Variants in PON1 observed in about 807,000 individuals in gnomAD.
PON1 encodes the protein serum paraoxonase/arylesterase 1.
PON1 carries 37 observed loss-of-function variants against 39.2 expected under a neutral mutation model. The observed-to-expected ratio is 0.94, with a 90% CI of 0.73 to 1.24. PON1 has a LOEUF of 1.24. Ranked by LOEUF, PON1 falls within the 50% of genes most tolerant of loss-of-function variation. The pLI, the probability that PON1 is intolerant of heterozygous loss-of-function variation, is 0.00. For missense variants in PON1, 397 were observed against 413.5 expected, an observed-to-expected ratio of 0.96 and a Z score of 0.35; for synonymous variants, 148 against 152.2, an observed-to-expected ratio of 0.97 and a Z score of 0.21.
chr7:95,317,357 A>T (rs1239117598), intron 2 of PON1, among the ~76,000 whole-genome samples: 1 of 152,112 alleles, frequency 6.6e-6, no homozygotes, highest in East Asian at 1.9e-4. Flanking sequence ...AATTTTTAAC[A>T]TTTCAATTTA....
chr7:95,299,811 CAT>C (rs3917573), intron 8 of PON1, among the ~76,000 whole-genome samples: 1 of 151,798 alleles, frequency 6.6e-6, no homozygotes. Flanking sequence ...ACCCCCTTTA[CAT>C]ATATATATAT....
intron 4 of PON1, among the ~76,000 whole-genome samples, chr7:95,313,341 G>T (rs967633696): frequency 6.6e-6 from 1 of 152,204 alleles, no homozygotes. Context: ...TTTGTTAGCA[G>T]ATGAGCTATA....
chr7:95,321,789 C>T lies in PON1; in HGVS notation c.74+2613G>A, dbSNP rs564008323. On this transcript the variant is annotated intron_variant, in intron 1 of 8. Coordinates refer to ENST00000222381, the MANE Select transcript of PON1 (RefSeq NM_000446.7). Reference sequence around the variant, plus strand: ...ATTACCCACTGGAAAGACCCCTACTCATGATGCTTTGTAGCTTCTCCAGTC... The same window carrying T: ...ATTACCCACTGGAAAGACCCCTACTTATGATGCTTTGTAGCTTCTCCAGTC... Among the ~76,000 whole-genome samples, 84 of 152,320 alleles carry T rather than the reference C, an allele frequency of 5.5e-4. 1 individual carries two copies. Among genetic ancestry groups the T allele is most frequent in the African/African-American group, 1.9e-3 (77 of 41,566 alleles).
At position 95,297,950 on chromosome 7, in the gene PON1, A is replaced by C. The variant is rs1044360596; in HGVS notation, c.*994T>G. The C allele has an allele frequency of 4.6e-5, 7 of 152,196 alleles. No homozygotes were observed. The highest frequency in any genetic ancestry group is 1.0e-4 in the Non-Finnish European group (7 of 68,040). 9.4% of individuals were successfully genotyped at this position (152,196 alleles called of 1,614,324 possible). A position where few individuals can be genotyped will look rare whatever the true frequency, so the allele number is the denominator to read the frequency against. ...ATCAGTTTCTATAACAAAATGATAAAGTCATGTTTTCTTCCTAGTCATGTC... is the reference window on the plus strand; with the variant it reads ...ATCAGTTTCTATAACAAAATGATAACGTCATGTTTTCTTCCTAGTCATGTC... On this transcript the variant is annotated 3_prime_UTR_variant, in exon 9 of 9. Transcript: ENST00000222381.
At chr7:95,311,428 A>G in intron 5 of PON1, 23 bp downstream of exon 5, 1 of 1,613,634 alleles carries the variant, frequency 6.2e-7, no homozygotes, top group Non-Finnish European at 8.5e-7. Flanking sequence ...AAAGGAAAAT[A>G]GAAATGTGAT....
rs370202315 is a variant in PON1 at position 95,300,207 on chromosome 7, G to A, written c.910-1105C>T. Among the ~76,000 whole-genome samples the A allele has an allele frequency of 7.7e-4, 117 of 152,224 alleles. 1 individual carries two copies. Among genetic ancestry groups the A allele is most frequent in the African/African-American group, 2.5e-3 (104 of 41,456 alleles). On this transcript the variant is annotated intron_variant, in intron 8 of 8. Coordinates refer to ENST00000222381, the MANE Select transcript of PON1 (RefSeq NM_000446.7). ...TCTGACTGTAAAAAATAGCAATAGC[G>A]TGTGATTCAACTTAGTATGAAAAGC...
At chr7:95,305,613 G>A (rs1034378629) in intron 7 of PON1, among the ~76,000 whole-genome samples, 1 of 152,176 alleles carries the variant, frequency 6.6e-6, no homozygotes, top group Non-Finnish European at 1.5e-5. Context: ...AAAATACGTA[G>A]CGGGAGGGAG....
At chr7:95,315,797 A>G (rs1286996413) in intron 3 of PON1, among the ~76,000 whole-genome samples, 1 of 152,208 alleles carries the variant, frequency 6.6e-6, no homozygotes, top group African/African-American at 2.4e-5. Context: ...CAAAAAGGCA[A>G]TTAATAATAG....
intron 1 of PON1, among the ~76,000 whole-genome samples, chr7:95,321,233 A>G (rs935840413): frequency 6.6e-6 from 1 of 152,158 alleles, no homozygotes; most frequent in Admixed American, 6.5e-5. Flanking sequence ...TCATGACCCA[A>G]ACACCTCCCA....
chr7:95,311,378 A>G, intron 5 of PON1, 73 bp downstream of exon 5: 2 of 1,583,392 alleles, frequency 1.3e-6, no homozygotes, highest in Non-Finnish European at 1.7e-6. Context: ...ACTCTGGCCA[A>G]AAGGAAAAAC....
rs961287183 is a variant in PON1, at chr7:95,308,078, T to C, written c.631A>G (p.Ser211Gly). 4.3e-6 allele frequency: 7 copies of C among 1,614,020 alleles called. No individual in the cohort carries two copies. The Admixed American group carries it at 6.7e-5, about 15-fold the overall frequency. Reference sequence around the variant, plus strand: ...CCTTCTGCCACCACTCGAACTTCACTTGGACTATAGTAGACAACATACGAC... The same window carrying C: ...CCTTCTGCCACCACTCGAACTTCACCTGGACTATAGTAGACAACATACGAC... ...AWSYVVYYSP[S>G]EVRVVAEGFD... Residue 211 changes from serine (S) to glycine (G), a missense_variant, in exon 6 of 9, where the codon AGT (serine) becomes GGT (glycine). Ser to Gly is a moderately conservative substitution (Grantham distance 56). Coordinates refer to ENST00000222381, the MANE Select transcript of PON1 (RefSeq NM_000446.7).
intron 7 of PON1, 101 bp downstream of exon 7, chr7:95,306,184 C>T (rs1807536993): frequency 2.0e-6 from 2 of 1,024,254 alleles, no homozygotes; most frequent in African/African-American, 3.1e-5. Flanking sequence ...TTGGTTCTCA[C>T]CCACCCCAAT....
At chr7:95,318,208 C>A (rs1807814029) in intron 2 of PON1, 115 bp downstream of exon 2, 2 of 829,202 alleles carry the variant, frequency 2.4e-6, no homozygotes, top group Admixed American at 3.9e-5. Flanking sequence ...CTACCACTGA[C>A]TCTCCTGATT....
At chr7:95,324,320 G>C in intron 1 of PON1, 82 bp downstream of exon 1, 1 of 1,324,330 alleles carries the variant, frequency 7.6e-7, no homozygotes, top group Non-Finnish European at 1.1e-6. Context: ...TTAACAGCCT[G>C]GACCCAACTT....
At chr7:95,322,637 G>A (rs1402014846) in intron 1 of PON1, among the ~76,000 whole-genome samples, 1 of 152,100 alleles carries the variant, frequency 6.6e-6, no homozygotes, top group Admixed American at 6.5e-5. Flanking sequence ...TAGCAATGTA[G>A]GGACAAGGAA....
At position 95,302,339 on chromosome 7, in the gene PON1, A is replaced by G; in HGVS notation, c.781-6T>C. ...AGGGTATTAAAGTCAAGGGACTTAA[A>G]AGATTAAAAACAAGAAAAGAACAAG... On this transcript the variant is annotated splice_region_variant and splice_polypyrimidine_tract_variant and intron_variant, in intron 7 of 8. Coordinates refer to ENST00000222381, the MANE Select transcript of PON1 (RefSeq NM_000446.7). The G allele has an allele frequency of 6.2e-7, 1 of 1,603,522 alleles. No individual in the cohort carries two copies. Among genetic ancestry groups the G allele is most frequent in the Non-Finnish European group, 8.5e-7 (1 of 1,171,342 alleles).
intron 7 of PON1, 111 bp from the exon 8 acceptor site, chr7:95,302,444 G>T: frequency 2.2e-6 from 2 of 892,628 alleles, no homozygotes; most frequent in Non-Finnish European, 3.5e-6. Context: ...CCACGCTGCT[G>T]CTTCCAAGGA....
intron 1 of PON1, among the ~76,000 whole-genome samples, chr7:95,322,630 C>A (rs540599436): frequency 7.0e-4 from 106 of 152,212 alleles, no homozygotes; most frequent in Middle Eastern, 3.4e-3. Context: ...TTGCAATTAG[C>A]AATGTAGGGA....
Position 95,298,825 on chromosome 7 carries a change from A to G in PON1, c.*119T>C. The G allele has an allele frequency of 7.9e-7, 1 of 1,261,552 alleles. No individual in the cohort carries two copies. Among genetic ancestry groups the G allele is most frequent in the East Asian group, 2.3e-5 (1 of 42,724 alleles). The allele number at this position is 1,261,552 out of a possible 1,614,324, so 78.1% of individuals were successfully genotyped here. A position where few individuals can be genotyped will look rare whatever the true frequency, so the allele number is the denominator to read the frequency against. ...CAGTTAAACAGTGCTTTGATGCTTCATGATGTCCACATTTAGGGTCAGCAT... is the reference window on the plus strand; with the variant it reads ...CAGTTAAACAGTGCTTTGATGCTTCGTGATGTCCACATTTAGGGTCAGCAT... On this transcript the variant is annotated 3_prime_UTR_variant, in exon 9 of 9. Transcript: ENST00000222381.
Sources: gnomAD v4.1 joint callset for allele counts (sites outside exome capture counted in the v4.1 genomes callset) on GRCh38, gnomAD v4.1.1 for gene constraint, MANE v1.5 for transcripts, NCBI Gene and HGNC (gene_info 2026-07-23, HGNC 2026-07-21) for gene names.